TLL2: variants seen among roughly 807,000 people sequenced by gnomAD.
TLL2 encodes tolloid like 2.
A neutral mutation model predicts 123.0 loss-of-function variants in TLL2; 106 were observed. The observed-to-expected ratio is 0.86, with a 90% CI of 0.74 to 1.01. The LOEUF (loss-of-function observed/expected upper bound fraction) is 1.01, where lower values mean the gene tolerates loss of function less well. Ranked by LOEUF, TLL2 falls within the 50% of genes least tolerant of loss-of-function variation. The probability of loss-of-function intolerance (pLI) is 0.00; values close to 1 mark genes in which losing one functional copy is unlikely to be tolerated. For synonymous variants in TLL2, 494 were observed against 516.8 expected, an observed-to-expected ratio of 0.96 and a Z score of 0.60; for missense variants, 1,332 against 1,336.7, an observed-to-expected ratio of 1.00 and a Z score of 0.06.
chr10:96,498,199 C>A (rs1023056361), intron 1 of TLL2, among the ~76,000 whole-genome samples: 3 of 152,110 alleles, frequency 2.0e-5, no homozygotes, highest in African/African-American at 7.2e-5. Flanking sequence ...CCATGGGAGA[C>A]CCTAAGTCGC....
intron 2 of TLL2, among the ~76,000 whole-genome samples, chr10:96,457,861 T>C (rs1440200328): frequency 6.6e-6 from 1 of 152,202 alleles, no homozygotes; most frequent in Non-Finnish European, 1.5e-5. Flanking sequence ...GATTCTAGAA[T>C]AAACTTCTCA....
At chr10:96,479,573 C>T (rs1236466922) in intron 2 of TLL2, among the ~76,000 whole-genome samples, 3 of 152,252 alleles carry the variant, frequency 2.0e-5, no homozygotes, top group Non-Finnish European at 4.4e-5. Flanking sequence ...ACCCCAAGGG[C>T]ACCTGGTGGG....
chr10:96,500,569 G>T (rs1484206624), intron 1 of TLL2, among the ~76,000 whole-genome samples: 1 of 152,202 alleles, frequency 6.6e-6, no homozygotes, highest in Non-Finnish European at 1.5e-5. Flanking sequence ...CAAGGCGGGT[G>T]GATCACCTGA....
chr10:96,455,466 T>C (rs1847003787), intron 2 of TLL2, among the ~76,000 whole-genome samples: 1 of 152,154 alleles, frequency 6.6e-6, no homozygotes, highest in South Asian at 2.1e-4. Context: ...TAAGGTGTTC[T>C]TAGTCACAGG....
chr10:96,467,148 A>G (rs1847139598), intron 2 of TLL2, among the ~76,000 whole-genome samples: 2 of 152,232 alleles, frequency 1.3e-5, no homozygotes. Flanking sequence ...AAATATATAT[A>G]GCTTTACAAA....
At chr10:96,371,611 T>G (rs529401697) in intron 19 of TLL2, among the ~76,000 whole-genome samples, 1 of 152,330 alleles carries the variant, frequency 6.6e-6, no homozygotes, top group African/African-American at 2.4e-5. Flanking sequence ...TAACCTGTCT[T>G]TGGGAAATTT....
intron 2 of TLL2, among the ~76,000 whole-genome samples, chr10:96,458,170 C>T (rs905129869): frequency 3.9e-5 from 6 of 151,930 alleles, no homozygotes; most frequent in East Asian, 3.9e-4. Flanking sequence ...GGTGTGGAGA[C>T]GGGGAGGAGA....
At chr10:96,437,059 A>G (rs977400534) in intron 3 of TLL2, among the ~76,000 whole-genome samples, 1 of 152,052 alleles carries the variant, frequency 6.6e-6, no homozygotes, top group Non-Finnish European at 1.5e-5. Flanking sequence ...ATATTTTTCT[A>G]TAATTATTTT....
In TLL2 at chr10:96,366,956, A is replaced by G. The variant is rs1846034842; in HGVS notation, c.*1132T>C. ...CTACACTTCTCTAGAACAAGTGCCA[A>G]GTGTTATGAATTCTGTTTGCAAGTT... On this transcript the variant is annotated 3_prime_UTR_variant, in exon 21 of 21. Transcript: ENST00000357947. The G allele has an allele frequency of 6.6e-6, 1 of 152,632 alleles. No homozygotes were observed. The highest frequency in any genetic ancestry group is 2.1e-4 in the South Asian group (1 of 4,828). 9.5% of individuals were successfully genotyped at this position (152,632 alleles called of 1,614,324 possible).
chr10:96,471,732 G>A (rs969174549), intron 2 of TLL2, among the ~76,000 whole-genome samples: 1 of 152,078 alleles, frequency 6.6e-6, no homozygotes, highest in Non-Finnish European at 1.5e-5. Flanking sequence ...CAGGCCTGCT[G>A]GGCTCCGACA....
At chr10:96,403,144 C>T (rs531440870) in intron 10 of TLL2, among the ~76,000 whole-genome samples, 45 of 152,290 alleles carry the variant, frequency 3.0e-4, no homozygotes, top group Non-Finnish European at 5.4e-4. Flanking sequence ...TCACTTCTGC[C>T]TGTCTCACCA....
chr10:96,471,150 G>A (rs757767021), intron 2 of TLL2, among the ~76,000 whole-genome samples: 8 of 140,908 alleles, frequency 5.7e-5, no homozygotes, highest in Non-Finnish European at 9.3e-5. Context: ...ACAGGTGTTT[G>A]CCACCACACT....
chr10:96,424,770 GTTTT>G (rs2134077269), intron 5 of TLL2, among the ~76,000 whole-genome samples: 1 of 68,394 alleles, frequency 1.5e-5, no homozygotes, highest in Admixed American at 1.3e-4. Context: ...TTTATGTATT[GTTTT>G]GTTTTTTTTG....
At chr10:96,490,375 C>T (rs962989083) in intron 1 of TLL2, among the ~76,000 whole-genome samples, 1 of 152,032 alleles carries the variant, frequency 6.6e-6, no homozygotes, top group Non-Finnish European at 1.5e-5. Flanking sequence ...GTGAGAACAG[C>T]GGAGAAAAAG....
chr10:96,459,056 T>C (rs1352330816), intron 2 of TLL2, among the ~76,000 whole-genome samples: 1 of 152,196 alleles, frequency 6.6e-6, no homozygotes, highest in African/African-American at 2.4e-5. Flanking sequence ...TTATGCATTT[T>C]TATCGCAATT....
chr10:96,500,822 G>GAGGA (rs1847527506), intron 1 of TLL2, among the ~76,000 whole-genome samples: 4 of 74,772 alleles, frequency 5.3e-5, no homozygotes, highest in Non-Finnish European at 6.1e-5. Context: ...GGGAGGGAGG[G>GAGGA]GAGAGATTGA....
chr10:96,428,802 G>T, intron 4 of TLL2, 54 bp from the exon 5 acceptor site: 2 of 1,230,670 alleles, frequency 1.6e-6, no homozygotes, highest in Non-Finnish European at 2.3e-6. Flanking sequence ...ATTTTCTTTA[G>T]ATGCTTTTTT....
intron 3 of TLL2, among the ~76,000 whole-genome samples, chr10:96,433,520 C>T (rs981084141): frequency 4.6e-5 from 7 of 152,050 alleles, no homozygotes; most frequent in Admixed American, 1.3e-4. Flanking sequence ...CAAGGAGGTT[C>T]GATGGAAGGT....
chr10:96,381,689 G>C (rs1846188346), intron 16 of TLL2, among the ~76,000 whole-genome samples: 1 of 152,178 alleles, frequency 6.6e-6, no homozygotes, highest in African/African-American at 2.4e-5. Flanking sequence ...AGTGCTCCAG[G>C]CTGGGACTTA....
Sources: allele counts gnomAD v4.1 joint callset (sites outside exome capture counted in the v4.1 genomes callset), GRCh38; gene constraint gnomAD v4.1.1; transcripts MANE v1.5; gene names NCBI Gene and HGNC (gene_info 2026-07-23, HGNC 2026-07-21).